DGLUCY: variants seen among roughly 807,000 people sequenced by gnomAD.
The protein encoded by DGLUCY is D-glutamate cyclase, mitochondrial.
Under a neutral mutation model 58.5 loss-of-function variants are expected in DGLUCY, and 58 were observed. That is an observed-to-expected ratio of 0.99 (90% confidence interval 0.80 to 1.23). The LOEUF (loss-of-function observed/expected upper bound fraction) is 1.23. Among genes scored for constraint, DGLUCY ranks in the 50% most tolerant of loss-of-function variants. The probability of loss-of-function intolerance (pLI) is 0.00; values close to 1 mark genes in which losing one functional copy is unlikely to be tolerated. For missense variants in DGLUCY, 779 were observed against 784.7 expected, an observed-to-expected ratio of 0.99 and a Z score of 0.09; for synonymous variants, 325 against 314.1, an observed-to-expected ratio of 1.03 and a Z score of -0.37.
chr14:91,173,799 A>G (rs912047093), intron 6 of DGLUCY: 2 of 172,532 alleles, frequency 1.2e-5, no homozygotes, highest in Non-Finnish European at 2.5e-5. Flanking sequence ...ATGTAAGTTT[A>G]TATATATCAC....
chr14:91,140,658 G>A (rs1159237910), intron 1 of DGLUCY, among the ~76,000 whole-genome samples: 3 of 152,162 alleles, frequency 2.0e-5, no homozygotes, highest in African/African-American at 4.8e-5. Flanking sequence ...ATGACAGAGT[G>A]AGACCCCTTT....
intron 3 of DGLUCY, among the ~76,000 whole-genome samples, chr14:91,162,484 T>C (rs2140356114): frequency 6.6e-6 from 1 of 152,296 alleles, no homozygotes; most frequent in South Asian, 2.1e-4. Context: ...AAAGAGACCA[T>C]GAAGGCTTCT....
At chr14:91,176,760 C>A (rs1343552410) in intron 7 of DGLUCY, among the ~76,000 whole-genome samples, 6 of 152,070 alleles carry the variant, frequency 3.9e-5, no homozygotes, top group Non-Finnish European at 7.4e-5. Flanking sequence ...TGCCACCACA[C>A]CTGGCTAATT....
At position 91,224,805 on chromosome 14, in the gene DGLUCY, T is replaced by A; in HGVS notation, c.1838T>A (p.Leu613Gln). ...ACCCACGCCGAGATGATCCAGAAGC[T>A]GGTGGACGTCACCACGGCACAGGTG... ...HNTHAEMIQK[L>Q]VDVTTAQV The change falls in exon 14 of 14, where the codon CTG becomes CAG. Residue 613 changes from leucine (L) to glutamine (Q), a missense_variant. Transcript: ENST00000256324. 6.2e-7 allele frequency: 1 copy of A among 1,613,334 alleles called. No individual in the cohort carries two copies.
chr14:91,096,126 A>C (rs1379281267), intron 1 of DGLUCY, among the ~76,000 whole-genome samples: 1 of 151,796 alleles, frequency 6.6e-6, no homozygotes, highest in African/African-American at 2.4e-5. Flanking sequence ...TGTATTGCAC[A>C]AGTGGCCAAT....
intron 1 of DGLUCY, among the ~76,000 whole-genome samples, chr14:91,154,414 C>T (rs1227284987): frequency 2.6e-5 from 4 of 152,134 alleles, no homozygotes; most frequent in Admixed American, 2.6e-4. Flanking sequence ...AGGTGAGCCT[C>T]AGAGGGATGA....
intron 1 of DGLUCY, among the ~76,000 whole-genome samples, chr14:91,119,621 C>T (rs2045229211): frequency 6.6e-6 from 1 of 152,158 alleles, no homozygotes; most frequent in South Asian, 2.1e-4. Context: ...TGCCTTTTGC[C>T]CTCTCCCTCG....
intron 1 of DGLUCY, among the ~76,000 whole-genome samples, chr14:91,097,709 T>C (rs2044419076): frequency 6.6e-6 from 1 of 151,468 alleles, no homozygotes; most frequent in South Asian, 2.1e-4. Flanking sequence ...GTTTCGCTCT[T>C]GTTGCCCAGG....
intron 3 of DGLUCY, among the ~76,000 whole-genome samples, chr14:91,161,647 C>T (rs571713037): frequency 9.2e-5 from 14 of 152,186 alleles, no homozygotes; most frequent in Non-Finnish European, 1.8e-4. Context: ...AATGCCCAAA[C>T]GCATACCAAG....
At chr14:91,174,481 T>C (rs1259544135) in intron 6 of DGLUCY, among the ~76,000 whole-genome samples, 2 of 152,014 alleles carry the variant, frequency 1.3e-5, no homozygotes, top group Non-Finnish European at 2.9e-5. Context: ...AATTTTTGTA[T>C]TTTTAGTAGA....
intron 13 of DGLUCY, among the ~76,000 whole-genome samples, chr14:91,224,215 A>C (rs1312305773): frequency 9.2e-5 from 14 of 152,164 alleles, no homozygotes; most frequent in Admixed American, 9.2e-4. Context: ...GGAGGAGTGA[A>C]TCTTCAGTGT....
intron 7 of DGLUCY, among the ~76,000 whole-genome samples, chr14:91,180,027 G>GA (rs1439087425): frequency 1.3e-5 from 2 of 149,968 alleles, no homozygotes; most frequent in African/African-American, 4.9e-5. Flanking sequence ...AAGTAGCTGG[G>GA]ATTACAGGCG....
upstream of DGLUCY, among the ~76,000 whole-genome samples, chr14:91,105,228 C>T (rs2180605): frequency 0.99 from 151,049 of 152,166 alleles, 74,988 homozygotes; most frequent in East Asian, 1. Flanking sequence ...GACAGGAGAA[C>T]TGCTTGAACC....
chr14:91,146,429 C>T (rs912891239), intron 1 of DGLUCY, among the ~76,000 whole-genome samples: 3 of 152,168 alleles, frequency 2.0e-5, no homozygotes, highest in Non-Finnish European at 4.4e-5. Flanking sequence ...TTGGAATAAG[C>T]GCAGGTCCTT....
rs993180489 is a variant in DGLUCY at position 91,224,694 on chromosome 14, T to G, written c.1727T>G (p.Met576Arg). 3 of 1,595,178 alleles carry G rather than the reference T, an allele frequency of 1.9e-6. No homozygotes were observed. The highest frequency in any genetic ancestry group is 2.6e-6 in the Non-Finnish European group (3 of 1,166,004). The change falls in exon 14 of 14, where the codon ATG (methionine) becomes AGG (arginine). Residue 576 changes from methionine to arginine, a missense_variant. Physicochemically the swap from Met to Arg is moderately conservative, Grantham distance 91 (BLOSUM62 -1). Transcript: ENST00000256324. ...CCTATTTTTTTCCAGGAAGAAAAAATGCTGGGCATCTTGGTGCAGCACAAA... is the reference window on the plus strand; with the variant it reads ...CCTATTTTTTTCCAGGAAGAAAAAAGGCTGGGCATCTTGGTGCAGCACAAA... Reference protein sequence around the residue: ...ALPSVIKEEKMLGILVQHKVR... With the variant: ...ALPSVIKEEKRLGILVQHKVR...
chr14:91,130,316 T>A (rs1456347902), intron 1 of DGLUCY, among the ~76,000 whole-genome samples: 1 of 151,296 alleles, frequency 6.6e-6, no homozygotes, highest in African/African-American at 2.4e-5. Context: ...TTTTTTTTTT[T>A]TTTTAGACAG....
At chr14:91,204,162 A>G (rs954428361) in intron 11 of DGLUCY, among the ~76,000 whole-genome samples, 12 of 152,366 alleles carry the variant, frequency 7.9e-5, no homozygotes, top group Admixed American at 2.0e-4. Context: ...ATGGGCCTCA[A>G]GACTATGTAG....
intron 1 of DGLUCY, among the ~76,000 whole-genome samples, chr14:91,130,546 TCCGCCCTCC>T (rs1048299068): frequency 5.9e-5 from 9 of 152,146 alleles, no homozygotes; most frequent in African/African-American, 2.2e-4. Flanking sequence ...GACCTTGTGA[TCCGCCCTCC>T]TTGGCCTCCC....
intron 7 of DGLUCY, among the ~76,000 whole-genome samples, chr14:91,179,888 T>TA (rs1355617136): frequency 1.1e-4 from 12 of 113,230 alleles, no homozygotes; most frequent in Non-Finnish European, 5.0e-5. Context: ...GCTAAACACT[T>TA]TTTTTTTTTT....
Sources: allele counts gnomAD v4.1 joint callset (sites outside exome capture counted in the v4.1 genomes callset), GRCh38; gene constraint gnomAD v4.1.1; transcripts MANE v1.5; gene names NCBI Gene and HGNC (gene_info 2026-07-23, HGNC 2026-07-21).